GDAP1: variants seen among roughly 807,000 people sequenced by gnomAD.
GDAP1 encodes ganglioside-induced differentiation-associated protein 1.
In GDAP1, 34 loss-of-function variants were observed where a neutral mutation model predicts 40.1. The observed-to-expected ratio is 0.85, with a 90% confidence interval of 0.64 to 1.13. GDAP1 has a LOEUF of 1.13. GDAP1 is among the 50% of genes most tolerant of loss of function. The probability of loss-of-function intolerance (pLI) is 0.00; values close to 1 mark genes in which losing one functional copy is unlikely to be tolerated. For synonymous variants in GDAP1, 170 were observed against 157.4 expected (o/e 1.08, Z -0.60); for missense variants, 374 against 433.7 (o/e 0.86, Z 1.22).
intron 2 of GDAP1, among the ~76,000 whole-genome samples, chr8:74,466,544 A>G (rs1417299399): frequency 6.6e-6 from 1 of 152,248 alleles, no homozygotes; most frequent in Non-Finnish European, 1.5e-5. Flanking sequence ...TGTTGAAGAT[A>G]GAGCTTGCAA....
chr8:74,354,343 A>G (rs1809008281), intron 2 of GDAP1, among the ~76,000 whole-genome samples: 1 of 152,206 alleles, frequency 6.6e-6, no homozygotes, highest in South Asian at 2.1e-4. Flanking sequence ...AATGATTAAA[A>G]TGAATAAATT....
chr8:74,415,559 G>T (rs918339349), intron 2 of GDAP1, among the ~76,000 whole-genome samples: 1 of 150,110 alleles, frequency 6.7e-6, no homozygotes, highest in Non-Finnish European at 1.5e-5. Context: ...GAGTGTGAGT[G>T]GGGGATAAAC....
intron 2 of GDAP1, among the ~76,000 whole-genome samples, chr8:74,443,088 C>T (rs532407708): frequency 6.6e-6 from 1 of 152,278 alleles, no homozygotes; most frequent in East Asian, 1.9e-4. Flanking sequence ...TATAGAAAAA[C>T]TGGGTTATTC....
chr8:74,430,092 A>G (rs924904560), intron 2 of GDAP1, among the ~76,000 whole-genome samples: 3 of 152,192 alleles, frequency 2.0e-5, no homozygotes, highest in Non-Finnish European at 4.4e-5. Flanking sequence ...AAGATGCACA[A>G]CTTCATTGAT....
chr8:74,386,273 T>C (rs2131540645), intron 2 of GDAP1, among the ~76,000 whole-genome samples: 1 of 152,334 alleles, frequency 6.6e-6, no homozygotes. Flanking sequence ...CATGCCTATG[T>C]CCTGAATGGT....
intron 2 of GDAP1, among the ~76,000 whole-genome samples, chr8:74,384,241 A>G (rs1017904937): frequency 6.6e-6 from 1 of 152,084 alleles, no homozygotes; most frequent in Non-Finnish European, 1.5e-5. Flanking sequence ...CTGGTAATTC[A>G]CTTCAATGGG....
chr8:74,360,050 G>A (rs1809280679), intron 2 of GDAP1, 87 bp from the exon 3 acceptor site: 5 of 820,314 alleles, frequency 6.1e-6, no homozygotes, highest in South Asian at 5.7e-5. Context: ...AAATGTTAAT[G>A]ATGAGTGGAT....
chr8:74,464,922 C>T (rs911400074), intron 2 of GDAP1, among the ~76,000 whole-genome samples: 1 of 152,048 alleles, frequency 6.6e-6, no homozygotes, highest in Non-Finnish European at 1.5e-5. Context: ...TTTAAAACAT[C>T]TAAACTTAAG....
intron 2 of GDAP1, among the ~76,000 whole-genome samples, chr8:74,423,735 C>T (rs1047857310): frequency 2.0e-5 from 3 of 151,926 alleles, no homozygotes; most frequent in Admixed American, 6.6e-5. Context: ...TGATGAGAGC[C>T]GGATGGACCA....
intron 2 of GDAP1, among the ~76,000 whole-genome samples, chr8:74,446,984 TG>T (rs1279493294): frequency 6.6e-6 from 1 of 152,124 alleles, no homozygotes; most frequent in Admixed American, 6.6e-5. Context: ...TTAGTGGTGA[TG>T]GTAGCGCAAA....
intron 2 of GDAP1, chr8:74,488,555 CTT>C (rs1364143550): frequency 6.6e-6 from 1 of 152,200 alleles, no homozygotes; most frequent in Non-Finnish European, 1.5e-5. Context: ...TAAGTATACT[CTT>C]TGCATACACA....
At chr8:74,437,996 C>A (rs550723409) in intron 2 of GDAP1, among the ~76,000 whole-genome samples, 1 of 152,280 alleles carries the variant, frequency 6.6e-6, no homozygotes, top group Middle Eastern at 3.4e-3. Flanking sequence ...GTAGGCCGGG[C>A]ATGGTGGCTC....
At chr8:74,404,997 A>G (rs1426840700) in intron 2 of GDAP1, among the ~76,000 whole-genome samples, 1 of 150,136 alleles carries the variant, frequency 6.7e-6, no homozygotes, top group Non-Finnish European at 1.5e-5. Flanking sequence ...AAATTATATT[A>G]TGTATATTTG....
intron 2 of GDAP1, among the ~76,000 whole-genome samples, chr8:74,486,199 T>A (rs1171716922): frequency 6.6e-6 from 1 of 152,212 alleles, no homozygotes; most frequent in Non-Finnish European, 1.5e-5. Context: ...GACATGTCTC[T>A]TCTCTGGGCC....
chr8:74,472,264 A>G (rs1806567185), intron 2 of GDAP1, among the ~76,000 whole-genome samples: 1 of 152,202 alleles, frequency 6.6e-6, no homozygotes, highest in Non-Finnish European at 1.5e-5. Context: ...AAAGGACATG[A>G]TCTTGTTCCT....
At chr8:74,380,478 A>G (rs1435112189) in intron 2 of GDAP1, among the ~76,000 whole-genome samples, 1 of 148,110 alleles carries the variant, frequency 6.8e-6, no homozygotes, top group Non-Finnish European at 1.5e-5. Context: ...TGCACATTTA[A>G]AGACATAGGT....
intron 2 of GDAP1, among the ~76,000 whole-genome samples, chr8:74,476,283 A>C (rs747668769): frequency 6.6e-6 from 1 of 152,128 alleles, no homozygotes; most frequent in East Asian, 1.9e-4. Context: ...TGCCATTTAC[A>C]TTCAAGGTTA....
intron 2 of GDAP1, among the ~76,000 whole-genome samples, chr8:74,471,287 A>G (rs1806550827): frequency 6.6e-6 from 1 of 151,944 alleles, no homozygotes; most frequent in Admixed American, 6.5e-5. Flanking sequence ...TTTTGTTGCC[A>G]TTGCTTTTGG....
At chr8:74,424,955 C>T (rs1421302476) in intron 2 of GDAP1, among the ~76,000 whole-genome samples, 1 of 152,154 alleles carries the variant, frequency 6.6e-6, no homozygotes, top group Non-Finnish European at 1.5e-5. Context: ...GTTTTATACT[C>T]CTAAGAATTC....
Sources: gnomAD v4.1 joint callset for allele counts (sites outside exome capture counted in the v4.1 genomes callset) on GRCh38, gnomAD v4.1.1 for gene constraint, MANE v1.5 for transcripts, NCBI Gene and HGNC (gene_info 2026-07-23, HGNC 2026-07-21) for gene names.